DNM3: variants seen among roughly 807,000 people sequenced by gnomAD.
The protein encoded by DNM3 is dynamin-3.
Under a neutral mutation model 101.6 loss-of-function variants are expected in DNM3, and 47 were observed. That is an observed-to-expected ratio of 0.46 (90% CI 0.37 to 0.59). The LOEUF (loss-of-function observed/expected upper bound fraction) is 0.59. Ranked by LOEUF, DNM3 falls within the 20% of genes least tolerant of loss-of-function variation. The probability of loss-of-function intolerance (pLI) is 0.00; values close to 1 mark genes in which losing one functional copy is unlikely to be tolerated. For synonymous variants in DNM3, 385 were observed against 387.9 expected (o/e 0.99, Z 0.09); for missense variants, 849 against 1,085.7 (o/e 0.78, Z 3.06).
In DNM3 at chr1:172,410,296, A is replaced by G; in HGVS notation, c.*2455A>G. 1.0e-6 allele frequency: 1 copy of G among 985,372 alleles called. No individual in the cohort carries two copies. The highest frequency in any genetic ancestry group is 5.2e-4 in the Middle Eastern group (1 of 1,914). The allele number at this position is 985,372 out of a possible 1,614,324, so 61.0% of individuals were successfully genotyped here. A position where few individuals can be genotyped will look rare whatever the true frequency, so the allele number is the denominator to read the frequency against. On this transcript the variant is annotated 3_prime_UTR_variant, in exon 21 of 21. Transcript: ENST00000627582. ...GCATAGTTTGACGTGCAGCATGCAC[A>G]CCAGGCCTTAAGATGGGAATGTAGC...
intron 17 of DNM3, among the ~76,000 whole-genome samples, chr1:172,374,170 T>C (rs756126459): frequency 1.6e-4 from 25 of 152,096 alleles, no homozygotes; most frequent in Non-Finnish European, 3.2e-4. Context: ...TTTCTTCTGA[T>C]TTTGTTTTCA....
At chr1:172,057,028 C>T (rs554608242) in intron 10 of DNM3, among the ~76,000 whole-genome samples, 8 of 151,954 alleles carry the variant, frequency 5.3e-5, no homozygotes, top group African/African-American at 1.9e-4. Context: ...AACCAAGGCT[C>T]GAGAACTACG....
intron 15 of DNM3, among the ~76,000 whole-genome samples, chr1:172,305,444 A>T (rs1366239122): frequency 6.6e-6 from 1 of 152,244 alleles, no homozygotes; most frequent in South Asian, 2.1e-4. Context: ...GCCGAATTCT[A>T]CCAGAGGTAC....
intron 17 of DNM3, 44 bp downstream of exon 17, chr1:172,323,384 C>T (rs1310322823): frequency 1.9e-6 from 3 of 1,592,638 alleles, no homozygotes; most frequent in African/African-American, 1.3e-5. Flanking sequence ...CCCCCAGCCC[C>T]TGCTCCGCTC....
At chr1:171,870,788 G>A (rs1194861266) in intron 1 of DNM3, among the ~76,000 whole-genome samples, 1 of 152,148 alleles carries the variant, frequency 6.6e-6, no homozygotes, top group Non-Finnish European at 1.5e-5. Flanking sequence ...TACCCAAACT[G>A]CCTGTATTTG....
chr1:172,353,312 T>C (rs552249708), intron 17 of DNM3, among the ~76,000 whole-genome samples: 2 of 152,330 alleles, frequency 1.3e-5, no homozygotes, highest in African/African-American at 4.8e-5. Context: ...TTGTCATCTT[T>C]CTTCACAATA....
chr1:172,045,329 T>C (rs2049706183), intron 9 of DNM3, among the ~76,000 whole-genome samples: 1 of 152,168 alleles, frequency 6.6e-6, no homozygotes, highest in Admixed American at 6.5e-5. Context: ...GTTCTGGAGT[T>C]TGAAAATCCT....
intron 8 of DNM3, among the ~76,000 whole-genome samples, chr1:172,044,150 T>C (rs2049597458): frequency 3.9e-5 from 6 of 152,184 alleles, no homozygotes. Flanking sequence ...TGCATAGCAC[T>C]CCATATCTAT....
intron 14 of DNM3, among the ~76,000 whole-genome samples, chr1:172,190,411 A>G (rs1323171720): frequency 6.6e-6 from 1 of 152,110 alleles, no homozygotes; most frequent in African/African-American, 2.4e-5. Context: ...CCAGTCTATC[A>G]TTGATGGACA....
chr1:172,239,798 C>CTTTTTTTTTTTTTTTTTTTT lies in DNM3; in HGVS notation c.1660-13774_1660-13773insTTTTTTTTTTTTTTTTTTTT, dbSNP rs369238528. On this transcript the variant is annotated intron_variant, in intron 14 of 20. Coordinates refer to ENST00000627582, the MANE Select transcript of DNM3 (RefSeq NM_015569.5). The stretch of plus-strand genomic sequence containing the variant: ...TTTCTCCAGCCCTGTCTTTTTTTTT[C>CTTTTTTTTTTTTTTTTTTTT]TCTTTTTTTTTTTTTTTTTTTTGTA... Among the ~76,000 whole-genome samples, 20 of 106,884 alleles carry CTTTTTTTTTTTTTTTTTTTT rather than the reference C, an allele frequency of 1.9e-4. 1 individual carries two copies. Among genetic ancestry groups the CTTTTTTTTTTTTTTTTTTTT allele is most frequent in the African/African-American group, 4.3e-4 (12 of 28,184 alleles). The allele number at this position is 106,884 out of a possible 152,430, so 70.1% of individuals were successfully genotyped here.
At chr1:172,276,557 A>ATGTGTGTGTGTGTGTGTGTGTGTGTGTG (rs60837783) in intron 15 of DNM3, among the ~76,000 whole-genome samples, 1 of 144,262 alleles carries the variant, frequency 6.9e-6, no homozygotes, top group African/African-American at 2.6e-5. Flanking sequence ...AAAAATCTTA[A>ATGTGTGTGTGTGTGTGTGTGTGTGTGTG]TGTGTGTGTG....
intron 13 of DNM3, 94 bp downstream of exon 13, chr1:172,092,969 G>T (rs986151024): frequency 2.4e-6 from 3 of 1,230,144 alleles, no homozygotes; most frequent in East Asian, 2.8e-5. Flanking sequence ...AATTAATCAC[G>T]TGCAAATTTT....
intron 14 of DNM3, among the ~76,000 whole-genome samples, chr1:172,219,310 T>C (rs2060817460): frequency 7.1e-6 from 1 of 140,056 alleles, no homozygotes; most frequent in Admixed American, 7.9e-5. Flanking sequence ...TGCAGTGAGC[T>C]GAGATTGCAT....
intron 1 of DNM3, among the ~76,000 whole-genome samples, chr1:171,865,247 A>C (rs536069587): frequency 6.6e-6 from 1 of 151,902 alleles, no homozygotes; most frequent in Non-Finnish European, 1.5e-5. Context: ...TGGGCGTGGT[A>C]GCTTATGCCT....
chr1:172,011,355 A>G (rs1310016530), intron 4 of DNM3, among the ~76,000 whole-genome samples: 1 of 152,006 alleles, frequency 6.6e-6, no homozygotes, highest in African/African-American at 2.4e-5. Context: ...TAAAAAAGAC[A>G]TAATGGGACC....
At chr1:172,076,936 A>G (rs1312537678) in intron 11 of DNM3, among the ~76,000 whole-genome samples, 1 of 152,150 alleles carries the variant, frequency 6.6e-6, no homozygotes, top group Non-Finnish European at 1.5e-5. Context: ...CTGTGAATCC[A>G]TCTGGTCCTG....
intron 14 of DNM3, among the ~76,000 whole-genome samples, chr1:172,222,664 AAAAC>A (rs1420781368): frequency 3.3e-5 from 5 of 152,184 alleles, no homozygotes; most frequent in African/African-American, 9.6e-5. Context: ...TAAAAAGAGA[AAAAC>A]AAAGCCATAT....
chr1:172,258,033 A>G (rs2062485458), intron 15 of DNM3, among the ~76,000 whole-genome samples: 1 of 152,100 alleles, frequency 6.6e-6, no homozygotes, highest in African/African-American at 2.4e-5. Flanking sequence ...AGTACATGCA[A>G]TATTTGTCTT....
intron 17 of DNM3, among the ~76,000 whole-genome samples, chr1:172,376,805 CA>C (rs2068626497): frequency 3.9e-5 from 6 of 151,994 alleles, no homozygotes; most frequent in Admixed American, 3.9e-4. Context: ...TAAAGCCTCT[CA>C]ATTTTTTTTA....
Sources: allele counts gnomAD v4.1 joint callset (sites outside exome capture counted in the v4.1 genomes callset), GRCh38; gene constraint gnomAD v4.1.1; transcripts MANE v1.5; gene names NCBI Gene and HGNC (gene_info 2026-07-23, HGNC 2026-07-21).